Variants in TTC23 observed in about 807,000 individuals in gnomAD.
The protein encoded by TTC23 is tetratricopeptide repeat domain 23.
A neutral mutation model predicts 55.1 loss-of-function variants in TTC23; 58 were observed. That is an observed-to-expected ratio of 1.05 (90% CI 0.85 to 1.31). TTC23 has a LOEUF of 1.31. Ranked by LOEUF, TTC23 falls within the 50% of genes most tolerant of loss-of-function variation. The probability of loss-of-function intolerance (pLI) is 0.00; values close to 1 mark genes in which losing one functional copy is unlikely to be tolerated. For missense variants in TTC23, 516 were observed against 534.4 expected (o/e 0.97, Z 0.34); for synonymous variants, 203 against 199.9 (o/e 1.02, Z -0.13).
intron 9 of TTC23, among the ~76,000 whole-genome samples, chr15:99,187,122 A>G (rs1323634344): frequency 6.6e-6 from 1 of 152,126 alleles, no homozygotes. Flanking sequence ...ATACAGATCA[A>G]TGGAACAGAA....
Position 99,228,751 on chromosome 15 carries a change from A to C in TTC23, c.-20-19T>G, listed in dbSNP as rs2078678849. 1 of 1,489,450 alleles carries C rather than the reference A, an allele frequency of 6.7e-7. No homozygotes were observed. Among genetic ancestry groups the C allele is most frequent in the African/African-American group, 1.4e-5 (1 of 70,842 alleles). 92.3% of individuals were successfully genotyped at this position (1,489,450 alleles called of 1,614,324 possible). The stretch of plus-strand genomic sequence containing the variant: ...TTGTCTTCTAATTTTAAAATAAAAA[A>C]CAAAGATGTTAAATGATAATTTCCA... On this transcript the variant is annotated intron_variant, in intron 4 of 13. Coordinates refer to ENST00000394132, the MANE Select transcript of TTC23 (RefSeq NM_001288615.3).
intron 10 of TTC23, among the ~76,000 whole-genome samples, chr15:99,171,709 C>T (rs936018817): frequency 1.3e-5 from 2 of 151,410 alleles, no homozygotes; most frequent in African/African-American, 2.4e-5. Context: ...ACTACAGGTG[C>T]GCAACACAAC....
chr15:99,200,166 G>A (rs2076083979), intron 8 of TTC23, 70 bp from the exon 9 acceptor site: 24 of 1,357,856 alleles, frequency 1.8e-5, no homozygotes, highest in Non-Finnish European at 2.1e-5. Flanking sequence ...AGGTGAGCTG[G>A]TAGTTGGGAT....
intron 10 of TTC23, among the ~76,000 whole-genome samples, chr15:99,167,240 T>C (rs1288741357): frequency 6.6e-6 from 1 of 152,226 alleles, no homozygotes; most frequent in Admixed American, 6.5e-5. Flanking sequence ...GGCCTGAACC[T>C]TGTGCCCTGA....
intron 9 of TTC23, among the ~76,000 whole-genome samples, chr15:99,186,541 G>T (rs2074678591): frequency 6.6e-6 from 1 of 152,036 alleles, no homozygotes; most frequent in Non-Finnish European, 1.5e-5. Context: ...CACAGCAAAG[G>T]TTGGAAATTT....
intron 2 of TTC23, among the ~76,000 whole-genome samples, chr15:99,242,570 T>C (rs1458563307): frequency 6.6e-6 from 1 of 152,160 alleles, no homozygotes; most frequent in African/African-American, 2.4e-5. Flanking sequence ...TTCATGAATA[T>C]GGACACAAAA....
Position 99,138,109 on chromosome 15 carries a change from C to T in TTC23, c.1245G>A (p.Ser415=), listed in dbSNP as rs782741576. The change falls in exon 14 of 14, where the codon TCG becomes TCA. Residue 415 remains serine (S), a synonymous_variant. Transcript: ENST00000394132. ...GMLSTAPKVA[S]KPRQASKAKV... is the part of the protein sequence containing the mutation. ...TGGCTTTTGATGCCTGCCTTGGCTT[C>T]GAAGCAACCTTGGGGGCCCTGCAGA... is the stretch of plus-strand genomic sequence containing the variant. 1.6e-5 allele frequency: 26 copies of T among 1,612,862 alleles called. No homozygotes were observed. The highest frequency in any genetic ancestry group is 3.9e-4 in the Middle Eastern group (2 of 5,130).
intron 12 of TTC23, among the ~76,000 whole-genome samples, chr15:99,148,258 G>A (rs1226038349): frequency 2.7e-5 from 4 of 149,676 alleles, no homozygotes; most frequent in Admixed American, 2.7e-4. Flanking sequence ...CTACTCAGGA[G>A]GCTGAGGCAG....
intron 12 of TTC23, chr15:99,155,260 T>A (rs1555498618): frequency 6.6e-6 from 1 of 152,168 alleles, no homozygotes; most frequent in Non-Finnish European, 1.5e-5. Flanking sequence ...AAAACCTATA[T>A]GAAGAACGCT....
At chr15:99,158,024 T>G (rs1312132155) in intron 11 of TTC23, 1 of 152,202 alleles carries the variant, frequency 6.6e-6, no homozygotes, top group Non-Finnish European at 1.5e-5. Flanking sequence ...GTTTAATCCT[T>G]TTGTTGGCAA....
At chr15:99,175,243 G>A in intron 9 of TTC23, 88 bp from the exon 10 acceptor site, 1 of 1,042,854 alleles carries the variant, frequency 9.6e-7, no homozygotes, top group Non-Finnish European at 1.4e-6. Context: ...TAAGCAGAAA[G>A]CCAAGGAACT....
intron 5 of TTC23, among the ~76,000 whole-genome samples, chr15:99,227,538 A>T (rs977952355): frequency 1.3e-5 from 2 of 152,194 alleles, no homozygotes; most frequent in Non-Finnish European, 2.9e-5. Context: ...TCTTAAAATC[A>T]GACCTGCTCA....
chr15:99,223,322 A>G (rs1282368996), intron 5 of TTC23, among the ~76,000 whole-genome samples: 1 of 152,178 alleles, frequency 6.6e-6, no homozygotes, highest in Non-Finnish European at 1.5e-5. Context: ...GAGGTCTTTA[A>G]AGAGGTGATT....
chr15:99,216,315 G>A (rs2152038489), intron 8 of TTC23, among the ~76,000 whole-genome samples: 1 of 152,228 alleles, frequency 6.6e-6, no homozygotes, highest in African/African-American at 2.4e-5. Flanking sequence ...GGAAATTTTA[G>A]AGAATATTTT....
intron 9 of TTC23, among the ~76,000 whole-genome samples, chr15:99,187,452 C>CAAAAAAAAAAAAAAAAGAAA (rs66568931): frequency 2.2e-5 from 1 of 44,506 alleles, no homozygotes; most frequent in African/African-American, 9.8e-5. Context: ...AAAGCACAAG[C>CAAAAAAAAAAAAAAAAGAAA]AAAAAAAAAA....
chr15:99,202,178 G>C lies in TTC23; in HGVS notation c.582-2082C>G, dbSNP rs77538066. On this transcript the variant is annotated intron_variant, in intron 8 of 13. Transcript: ENST00000394132. ...TAGGGAAAAAGTTTGCTGACCTCTGGTCTAGAATCTAGAGAAAGTTACATA... is the reference window on the plus strand; with the variant it reads ...TAGGGAAAAAGTTTGCTGACCTCTGCTCTAGAATCTAGAGAAAGTTACATA... 8.7e-3 allele frequency among the ~76,000 whole-genome samples: 1,330 copies of C among 152,242 alleles called. 26 individuals are homozygous for C. The highest frequency in any genetic ancestry group is 0.03 in the African/African-American group (1,241 of 41,556).
At chr15:99,156,387 G>A in intron 11 of TTC23, 90 bp from the exon 12 acceptor site, 1 of 1,479,504 alleles carries the variant, frequency 6.8e-7, no homozygotes, top group Non-Finnish European at 9.2e-7. Flanking sequence ...CATGGGTGTG[G>A]TAGTCTCACG....
At chr15:99,153,479 A>G (rs1280109629) in intron 12 of TTC23, among the ~76,000 whole-genome samples, 1 of 152,190 alleles carries the variant, frequency 6.6e-6, no homozygotes, top group Non-Finnish European at 1.5e-5. Context: ...AAAATACTCG[A>G]TTTATAGGAT....
At chr15:99,251,191 A>T (rs761787339), upstream of TTC23, 1 of 152,434 alleles carries the variant, frequency 6.6e-6, no homozygotes, top group Non-Finnish European at 1.5e-5. Flanking sequence ...CTCCGTCGAC[A>T]TCAAACCCCA....
Sources: allele counts gnomAD v4.1 joint callset (sites outside exome capture counted in the v4.1 genomes callset), GRCh38; gene constraint gnomAD v4.1.1; transcripts MANE v1.5; gene names NCBI Gene and HGNC (gene_info 2026-07-23, HGNC 2026-07-21).